The following GMDS variants were observed in gnomAD, a reference collection of about 807,000 sequenced individuals.
GMDS encodes the protein GDP-mannose 4,6-dehydratase, also known as GDP-mannose 4,6 dehydratase.
A neutral mutation model predicts 49.9 loss-of-function variants in GMDS; 20 were observed. The ratio of observed to expected loss-of-function variants is 0.40; its 90% CI spans 0.28 to 0.58. The LOEUF (loss-of-function observed/expected upper bound fraction) is 0.58. Among genes scored for constraint, GMDS ranks in the 20% least tolerant of loss-of-function variants. GMDS has a pLI of 0.42. For synonymous variants in GMDS, 177 were observed against 178.6 expected (o/e 0.99, Z 0.07); for missense variants, 362 against 481.4 (o/e 0.75, Z 2.32).
chr6:1,643,454 G>A lies in GMDS; in HGVS notation c.988-18914C>T, dbSNP rs79977109. On this transcript the variant is annotated intron_variant, in intron 9 of 10. Transcript: ENST00000380815. ...CTGTCAAGGTGCTCATGCCTTCCTC[G>A]GCTCCCATGGCATAAATGAGGCAAG... 1.5e-4 allele frequency among the ~76,000 whole-genome samples: 23 copies of A among 152,156 alleles called. No individual in the cohort carries two copies. In the East Asian group the frequency reaches 1.5e-3, roughly 10 times the overall value.
At chr6:1,687,558 CTT>C (rs1765020157) in intron 9 of GMDS, among the ~76,000 whole-genome samples, 1 of 3,528 alleles carries the variant, frequency 2.8e-4, no homozygotes, top group Non-Finnish European at 8.9e-4. Context: ...AGGCACCGTC[CTT>C]CTCCTGTGTT....
At chr6:1,851,055 C>T (rs939496338) in intron 7 of GMDS, among the ~76,000 whole-genome samples, 3 of 152,230 alleles carry the variant, frequency 2.0e-5, no homozygotes, top group Admixed American at 1.3e-4. Flanking sequence ...CTATAAACAA[C>T]AGCAAATGCT....
intron 4 of GMDS, among the ~76,000 whole-genome samples, chr6:2,106,399 A>G (rs865949089): frequency 6.6e-6 from 1 of 152,246 alleles, no homozygotes; most frequent in African/African-American, 2.4e-5. Flanking sequence ...AGGATAAAGT[A>G]GAAATCATAT....
intron 9 of GMDS, among the ~76,000 whole-genome samples, chr6:1,716,909 C>G (rs1766196184): frequency 6.6e-6 from 1 of 152,194 alleles, no homozygotes. Context: ...TTCCAGTTGC[C>G]CAAATGTATC....
chr6:2,031,333 C>T (rs1037728459), intron 4 of GMDS, among the ~76,000 whole-genome samples: 1 of 152,150 alleles, frequency 6.6e-6, no homozygotes, highest in East Asian at 1.9e-4. Context: ...AGTTTCCCAA[C>T]CTCTTCTGTG....
At chr6:2,059,979 G>T (rs906221396) in intron 4 of GMDS, among the ~76,000 whole-genome samples, 2 of 151,742 alleles carry the variant, frequency 1.3e-5, no homozygotes, top group Non-Finnish European at 1.5e-5. Flanking sequence ...TTAACGAAAT[G>T]ACAACAAATA....
rs189911531 is a variant in GMDS, at chr6:1,878,098, A to G, written c.771+52005T>C. Reference sequence around the variant, plus strand: ...GGAGGCCGAGGTGGGCAGATCACGAAGTCAGGAGATCGAGACCATCCTGGC... The same window carrying G: ...GGAGGCCGAGGTGGGCAGATCACGAGGTCAGGAGATCGAGACCATCCTGGC... On this transcript the variant is annotated intron_variant, in intron 7 of 10. Coordinates refer to ENST00000380815, the MANE Select transcript of GMDS (RefSeq NM_001500.4). Among the ~76,000 whole-genome samples, 870 of 152,094 alleles carry G rather than the reference A, an allele frequency of 5.7e-3. 8 individuals carry two copies. The highest frequency in any genetic ancestry group is 0.018 in the African/African-American group (762 of 41,498).
chr6:1,820,092 TTA>T (rs933951116), intron 7 of GMDS, among the ~76,000 whole-genome samples: 3 of 152,070 alleles, frequency 2.0e-5, no homozygotes, highest in African/African-American at 7.2e-5. Flanking sequence ...CTAGTTTTTC[TTA>T]TAGTTTATAA....
At chr6:2,064,475 C>T (rs1771406963) in intron 4 of GMDS, among the ~76,000 whole-genome samples, 3 of 152,112 alleles carry the variant, frequency 2.0e-5, no homozygotes, top group South Asian at 4.1e-4. Flanking sequence ...GAATACTTTC[C>T]CATTGTTTTT....
chr6:2,217,025 GCAGCCGCCCTGGCTT>G (rs1170699333), intron 1 of GMDS, among the ~76,000 whole-genome samples: 4 of 152,144 alleles, frequency 2.6e-5, no homozygotes, highest in South Asian at 2.1e-4. Flanking sequence ...CCAGCCTCCC[GCAGCCGCCCTGGCTT>G]CAGCCGCCCA....
At chr6:1,717,052 G>A (rs1766201224) in intron 9 of GMDS, among the ~76,000 whole-genome samples, 1 of 152,202 alleles carries the variant, frequency 6.6e-6, no homozygotes, top group Non-Finnish European at 1.5e-5. Context: ...CCCAGCACCG[G>A]TTCCAAGTGA....
intron 9 of GMDS, among the ~76,000 whole-genome samples, chr6:1,700,444 G>A (rs761567366): frequency 3.3e-5 from 5 of 152,152 alleles, no homozygotes; most frequent in Admixed American, 1.3e-4. Context: ...GGGAGAGCCT[G>A]GGGCAAGTTC....
At chr6:1,783,018 G>A (rs960117614) in intron 7 of GMDS, among the ~76,000 whole-genome samples, 1 of 152,082 alleles carries the variant, frequency 6.6e-6, no homozygotes, top group African/African-American at 2.4e-5. Flanking sequence ...AGTCGGGCAT[G>A]TTAGCATGCA....
At chr6:1,713,633 C>A (rs1309609864) in intron 9 of GMDS, among the ~76,000 whole-genome samples, 1 of 152,162 alleles carries the variant, frequency 6.6e-6, no homozygotes, top group Non-Finnish European at 1.5e-5. Flanking sequence ...CATACACGTA[C>A]GTGTGTTTGT....
chr6:1,849,404 G>A (rs1186388525), intron 7 of GMDS, among the ~76,000 whole-genome samples: 1 of 152,168 alleles, frequency 6.6e-6, no homozygotes, highest in Non-Finnish European at 1.5e-5. Flanking sequence ...GCTCATGAAT[G>A]AACACAGGGG....
intron 1 of GMDS, among the ~76,000 whole-genome samples, chr6:2,240,796 A>G (rs952101254): frequency 6.6e-6 from 1 of 152,146 alleles, no homozygotes; most frequent in Non-Finnish European, 1.5e-5. Context: ...CTAGACTATC[A>G]ATGTCATAAG....
chr6:2,192,011 C>T (rs1451047732), intron 1 of GMDS, among the ~76,000 whole-genome samples: 1 of 152,200 alleles, frequency 6.6e-6, no homozygotes, highest in East Asian at 1.9e-4. Flanking sequence ...GCCCCGGGCT[C>T]AGCTAGAGCA....
chr6:2,101,541 G>A (rs1483066994), intron 4 of GMDS, among the ~76,000 whole-genome samples: 1 of 151,746 alleles, frequency 6.6e-6, no homozygotes, highest in Non-Finnish European at 1.5e-5. Context: ...GAAACTGAGA[G>A]AAAGAGAAAA....
intron 7 of GMDS, among the ~76,000 whole-genome samples, chr6:1,832,993 A>G (rs1756736456): frequency 6.6e-6 from 1 of 152,150 alleles, no homozygotes; most frequent in Non-Finnish European, 1.5e-5. Context: ...GCTACTGAAG[A>G]TCATTAGTAG....
Sources: allele counts gnomAD v4.1 joint callset (sites outside exome capture counted in the v4.1 genomes callset), GRCh38; gene constraint gnomAD v4.1.1; transcripts MANE v1.5; gene names NCBI Gene and HGNC (gene_info 2026-07-23, HGNC 2026-07-21).